Variants in OR10J1 observed in about 807,000 individuals in gnomAD.
OR10J1 encodes the protein olfactory receptor 10J1.
For synonymous variants in OR10J1, 202 were observed against 143.8 expected (o/e 1.40, Z -2.89); for missense variants, 474 against 376.6 (o/e 1.26, Z -2.14).
upstream of OR10J1, among the ~76,000 whole-genome samples, chr1:159,438,515 C>G (rs1655805439): frequency 6.6e-6 from 1 of 152,212 alleles, no homozygotes; most frequent in Admixed American, 6.5e-5. Context: ...AGAAGCCTCA[C>G]AGAAGACAAA....
chr1:159,436,705 A>G (rs1035910890), upstream of OR10J1, among the ~76,000 whole-genome samples: 2 of 152,120 alleles, frequency 1.3e-5, no homozygotes, highest in Admixed American at 6.6e-5. Flanking sequence ...TTAAGACGCC[A>G]CTTGCTAAGG....
the OR10J1 span, among the ~76,000 whole-genome samples, chr1:159,427,254 T>A: frequency 6.6e-6 from 1 of 151,774 alleles, no homozygotes; most frequent in African/African-American, 2.4e-5. Context: ...ATATTTAAAT[T>A]CAAAAAGTTT....
chr1:159,411,657 G>C, the OR10J1 span, among the ~76,000 whole-genome samples: 1 of 152,038 alleles, frequency 6.6e-6, no homozygotes, highest in South Asian at 2.1e-4. Flanking sequence ...TATCCAATTT[G>C]CCAGTCTGTG....
Position 159,440,929 on chromosome 1 carries a change from A to G in OR10J1, c.*208A>G. The G allele has an allele frequency of 1.9e-6, 1 of 527,734 alleles. No homozygotes were observed. The highest frequency in any genetic ancestry group is 3.3e-6 in the Non-Finnish European group (1 of 307,090). The allele number at this position is 527,734 out of a possible 1,614,324, so 32.7% of individuals were successfully genotyped here. On this transcript the variant is annotated 3_prime_UTR_variant, in exon 1 of 1. Coordinates refer to ENST00000423932, the MANE Select transcript of OR10J1 (RefSeq NM_012351.3). Reference sequence around the variant, plus strand: ...CCTATTTTTGGGGATAAATAGACAAACAAGGATAAGATATGCCTAAATAAA... The same window carrying G: ...CCTATTTTTGGGGATAAATAGACAAGCAAGGATAAGATATGCCTAAATAAA...
the OR10J1 span, among the ~76,000 whole-genome samples, chr1:159,424,539 C>A: frequency 6.6e-6 from 1 of 150,874 alleles, no homozygotes; most frequent in African/African-American, 2.4e-5. Context: ...TGTATGCACA[C>A]ATGTTTAATA....
chr1:159,413,475 G>A, the OR10J1 span, among the ~76,000 whole-genome samples: 2 of 152,192 alleles, frequency 1.3e-5, no homozygotes, highest in East Asian at 3.9e-4. Flanking sequence ...TTAAGAAAAT[G>A]TGGCACATAT....
At chr1:159,405,578 T>C in the OR10J1 span, 2 of 392,268 alleles carry the variant, frequency 5.1e-6, no homozygotes, top group Admixed American at 3.2e-5. Context: ...CCCAGGAAAC[T>C]CTGGGACTTA....
chr1:159,416,073 G>T, the OR10J1 span, among the ~76,000 whole-genome samples: 3 of 151,632 alleles, frequency 2.0e-5, no homozygotes, highest in Non-Finnish European at 4.4e-5. Context: ...AGATTTAAGA[G>T]GTTTTTTTTG....
rs1179173340 is a variant in OR10J1 at position 159,440,296 on chromosome 1, T to A, written c.505T>A (p.Cys169Ser). ...QVTSVFRLPFCARKVPHFFCD... is the reference protein window; with the variant it reads ...QVTSVFRLPFSARKVPHFFCD... ...GACATCTGTATTCAGGTTACCCTTC[T>A]GTGCTAGAAAGGTGCCCCACTTCTT... The change falls in exon 1 of 1, where the codon TGT becomes AGT. Residue 169 changes from cysteine to serine, a missense_variant. Physicochemically the swap from Cys to Ser is moderately radical, Grantham distance 112 (BLOSUM62 -1). Transcript: ENST00000423932. 6.2e-7 allele frequency: 1 copy of A among 1,614,220 alleles called. No individual in the cohort carries two copies. The highest frequency in any genetic ancestry group is 8.5e-7 in the Non-Finnish European group (1 of 1,180,018).
Position 159,440,309 on chromosome 1 carries a change from T to C in OR10J1, c.518T>C (p.Val173Ala). Residue 173 changes from valine to alanine, a missense_variant, in exon 1 of 1, where the codon GTG becomes GCG. Physicochemically the swap from Val to Ala is moderately conservative, Grantham distance 64. Coordinates refer to ENST00000423932, the MANE Select transcript of OR10J1 (RefSeq NM_012351.3). Reference sequence around the variant, plus strand: ...AGGTTACCCTTCTGTGCTAGAAAGGTGCCCCACTTCTTCTGTGACATCCGC... The same window carrying C: ...AGGTTACCCTTCTGTGCTAGAAAGGCGCCCCACTTCTTCTGTGACATCCGC... ...VFRLPFCARK[V>A]PHFFCDIRPV... 6.2e-7 allele frequency: 1 copy of C among 1,614,160 alleles called. No homozygotes were observed. The highest frequency in any genetic ancestry group is 1.7e-5 in the Admixed American group (1 of 60,028).
chr1:159,416,413 T>C, the OR10J1 span, among the ~76,000 whole-genome samples: 4 of 151,950 alleles, frequency 2.6e-5, no homozygotes, highest in Non-Finnish European at 5.9e-5. Context: ...AAAATAATTT[T>C]TCTTCATCTA....
the OR10J1 span, among the ~76,000 whole-genome samples, chr1:159,414,586 C>A: frequency 6.7e-6 from 1 of 149,472 alleles, no homozygotes; most frequent in African/African-American, 2.5e-5. Context: ...TATTGATTTC[C>A]TTTCTTTTGA....
At chr1:159,421,603 C>T in the OR10J1 span, among the ~76,000 whole-genome samples, 4 of 152,092 alleles carry the variant, frequency 2.6e-5, no homozygotes, top group Non-Finnish European at 4.4e-5. Context: ...GGCACTGTGG[C>T]TTGGATCGTG....
the OR10J1 span, among the ~76,000 whole-genome samples, chr1:159,400,190 TATAATA>T: frequency 6.6e-6 from 1 of 151,832 alleles, no homozygotes; most frequent in Non-Finnish European, 1.5e-5. Context: ...AAACTTAAAG[TATAATA>T]ATAATTAAAA....
the OR10J1 span, among the ~76,000 whole-genome samples, chr1:159,426,386 G>A: frequency 6.6e-6 from 1 of 151,698 alleles, no homozygotes; most frequent in African/African-American, 2.4e-5. Flanking sequence ...AAAGAAAATT[G>A]TTGTAATATT....
chr1:159,401,918 C>T, the OR10J1 span, among the ~76,000 whole-genome samples: 1 of 152,020 alleles, frequency 6.6e-6, no homozygotes, highest in Admixed American at 6.6e-5. Context: ...GGATTTAATC[C>T]TGGGATGCAG....
the OR10J1 span, among the ~76,000 whole-genome samples, chr1:159,408,074 A>AT: frequency 6.6e-6 from 1 of 152,046 alleles, no homozygotes; most frequent in Non-Finnish European, 1.5e-5. Context: ...GGAAAAGTGA[A>AT]TAAGGCTTAT....
upstream of OR10J1, among the ~76,000 whole-genome samples, chr1:159,435,356 T>G (rs969432376): frequency 6.6e-6 from 1 of 152,206 alleles, no homozygotes; most frequent in Admixed American, 6.5e-5. Flanking sequence ...AATTCTCACA[T>G]GCAGTCTGAA....
At chr1:159,426,480 T>C in the OR10J1 span, among the ~76,000 whole-genome samples, 1 of 151,876 alleles carries the variant, frequency 6.6e-6, no homozygotes, top group Non-Finnish European at 1.5e-5. Flanking sequence ...AGGAAGATAC[T>C]CCATTTATGA....
Sources: allele counts gnomAD v4.1 joint callset (sites outside exome capture counted in the v4.1 genomes callset), GRCh38; gene constraint gnomAD v4.1.1; transcripts MANE v1.5; gene names NCBI Gene and HGNC (gene_info 2026-07-23, HGNC 2026-07-21).